The following STARD10 variants were observed in gnomAD, a reference collection of about 807,000 sequenced individuals.
STARD10 encodes START domain-containing protein 10.
A neutral mutation model predicts 36.0 loss-of-function variants in STARD10; 24 were observed. The ratio of observed to expected loss-of-function variants is 0.67; its 90% CI spans 0.48 to 0.94. The LOEUF (loss-of-function observed/expected upper bound fraction) is 0.94, where lower values mean the gene tolerates loss of function less well. Ranked by LOEUF, STARD10 falls within the 40% of genes least tolerant of loss-of-function variation. The pLI is 0.00. For missense variants in STARD10, 335 were observed against 396.6 expected (o/e 0.84, Z 1.32); for synonymous variants, 156 against 161.9 (o/e 0.96, Z 0.28).
chr11:72,758,069 C>A, intron 4 of STARD10, 185 bp from the exon 5 acceptor site: 1 of 619,948 alleles, frequency 1.6e-6, no homozygotes, highest in Non-Finnish European at 2.9e-6. Context: ...TCATCCTAGC[C>A]CCTCTTGAAG....
chr11:72,768,966 C>T (rs1232661211), intron 2 of STARD10, among the ~76,000 whole-genome samples: 1 of 152,216 alleles, frequency 6.6e-6, no homozygotes, highest in African/African-American at 2.4e-5. Context: ...GTCCGTGGCC[C>T]TCAGTGCATC....
chr11:72,769,391 T>G (rs1858829874), intron 2 of STARD10, among the ~76,000 whole-genome samples: 1 of 152,236 alleles, frequency 6.6e-6, no homozygotes, highest in Non-Finnish European at 1.5e-5. Flanking sequence ...GGCAAATACT[T>G]TTTAAATCAT....
At position 72,758,608 on chromosome 11, in the gene STARD10, G is replaced by A; in HGVS notation, c.381C>T (p.Asn127=). 1 of 1,613,984 alleles carries A rather than the reference G, an allele frequency of 6.2e-7. No homozygotes were observed. The highest frequency in any genetic ancestry group is 8.5e-7 in the Non-Finnish European group (1 of 1,179,966). Residue 127 remains asparagine (N), a synonymous_variant, in exon 4 of 7, where the codon AAC becomes AAT. Coordinates refer to ENST00000334805, the MANE Select transcript of STARD10 (RefSeq NM_006645.3). ...AGGAGCGGAGGGTGATGACATCACG[G>A]TTCTTCAGGGGCTTGGGACACCTCC... The part of the protein sequence containing the change: ...YSWRCPKPLK[N]RDVITLRSWL...
At chr11:72,780,391 G>T in intron 2 of STARD10, 1 of 449,846 alleles carries the variant, frequency 2.2e-6, no homozygotes, top group Non-Finnish European at 4.5e-6. Context: ...GTGCAAGGCA[G>T]GGGTATTGGA....
intron 6 of STARD10, 43 bp from the exon 7 acceptor site, chr11:72,755,185 G>T (rs769582932): frequency 3.2e-6 from 5 of 1,569,162 alleles, no homozygotes; most frequent in Admixed American, 3.6e-5. Flanking sequence ...TGGCTAGGGG[G>T]CAGGTCTTCT....
chr11:72,781,182 G>A lies in STARD10; in HGVS notation c.-1C>T, dbSNP rs1284875877. On this transcript the variant is annotated 5_prime_UTR_variant, in exon 2 of 7. Coordinates refer to ENST00000334805, the MANE Select transcript of STARD10 (RefSeq NM_006645.3). This position sits in a 1 kb window ranked among gnomAD's most constrained non-coding sequence, Gnocchi z 4.7. ...CTGTAGAGGCCGCCAGCTTCTCCAT[G>A]GGGAGTGTGGGGAGGCCCAGGGCCC... 6.2e-7 allele frequency: 1 copy of A among 1,607,492 alleles called. No individual in the cohort carries two copies. Among genetic ancestry groups the A allele is most frequent in the Non-Finnish European group, 8.5e-7 (1 of 1,179,442 alleles).
Position 72,759,238 on chromosome 11 carries a change from G to GT in STARD10, c.350dup (p.Tyr117Ter). ...CAGCGTGCTACGCCTGCTCACAGGA[G>GT]TAATAGCCCACGTCAGCGTTGACTG... ...RLTVNADVGYYSWRCPKPLKN... is the reference protein window; with the variant it reads ...RLTVNADVGY Residue 117 changes from tyrosine to a stop codon, truncating the protein, a stop_gained and frameshift_variant, in exon 3 of 7, where the codon TAC (tyrosine) becomes TAAC (stop). Transcript: ENST00000334805. LOFTEE classifies it high-confidence loss of function. 1 of 1,614,102 alleles carries GT rather than the reference G, an allele frequency of 6.2e-7. No homozygotes were observed. The highest frequency in any genetic ancestry group is 8.5e-7 in the Non-Finnish European group (1 of 1,180,002).
intron 2 of STARD10, 157 bp downstream of exon 2, chr11:72,780,818 G>T: frequency 2.6e-6 from 2 of 760,698 alleles, no homozygotes; most frequent in Non-Finnish European, 4.4e-6. Flanking sequence ...GATGGGGCTT[G>T]GCCCAGCAGA....
chr11:72,759,231 C>T lies in STARD10; in HGVS notation c.355+3G>A, dbSNP rs914649791. 1 of 1,613,986 alleles carries T rather than the reference C, an allele frequency of 6.2e-7. No homozygotes were observed. The highest frequency in any genetic ancestry group is 1.7e-5 in the Admixed American group (1 of 59,984). ...CTGGGATCAGCGTGCTACGCCTGCT[C>T]ACAGGAGTAATAGCCCACGTCAGCG... is the stretch of plus-strand genomic sequence containing the variant. On this transcript the variant is annotated splice_donor_region_variant and intron_variant, in intron 3 of 6. Transcript: ENST00000334805.
intron 2 of STARD10, among the ~76,000 whole-genome samples, chr11:72,768,215 A>G (rs1565241098): frequency 6.6e-6 from 1 of 152,084 alleles, no homozygotes; most frequent in Non-Finnish European, 1.5e-5. Context: ...CCTGGCCCAC[A>G]GTACACAGCA....
chr11:72,758,838 C>G (rs564660027), intron 3 of STARD10, among the ~76,000 whole-genome samples: 1 of 152,364 alleles, frequency 6.6e-6, no homozygotes, highest in East Asian at 1.9e-4. Flanking sequence ...CCAGCCAGCC[C>G]TGCTCCTTAC....
At chr11:72,770,415 G>T (rs1186220201) in intron 2 of STARD10, among the ~76,000 whole-genome samples, 1 of 152,028 alleles carries the variant, frequency 6.6e-6, no homozygotes, top group Non-Finnish European at 1.5e-5. Context: ...ATGGGGTTTC[G>T]CCATGTTGGC....
chr11:72,759,206 C>T lies in STARD10; in HGVS notation c.355+28G>A, dbSNP rs1858685242. On this transcript the variant is annotated intron_variant, in intron 3 of 6. Transcript: ENST00000334805. ...GAGGCCTGGATGGAGGCCAAGGGGA[C>T]TGGGATCAGCGTGCTACGCCTGCTC... is the stretch of plus-strand genomic sequence containing the variant. 1.9e-6 allele frequency: 3 copies of T among 1,612,144 alleles called. No individual in the cohort carries two copies. In the African/African-American group the frequency reaches 4.0e-5, roughly 22 times the overall value.
intron 2 of STARD10, among the ~76,000 whole-genome samples, chr11:72,777,166 T>C (rs116516327): frequency 0.016 from 2,436 of 152,380 alleles, 67 homozygotes; most frequent in African/African-American, 0.055. Flanking sequence ...CACCAGGGTC[T>C]GAAGACCTCT....
At chr11:72,765,157 T>C (rs1388633862) in intron 2 of STARD10, among the ~76,000 whole-genome samples, 2 of 152,010 alleles carry the variant, frequency 1.3e-5, no homozygotes, top group African/African-American at 4.8e-5. Flanking sequence ...TCCCAGCTAC[T>C]CAGGAGGCTG....
rs1009247973 is a variant in STARD10, at chr11:72,793,348, T to TCCCAACA, written c.-594_-588dup. ...TTCACCCCTGGATCTCATTTGATCC[T>TCCCAACA]CCCAACAGCCTGTTTGCATTTACAA... On this transcript the variant is annotated 5_prime_UTR_variant, in exon 1 of 7. An upstream open reading frame in the 5' UTR gains an earlier in-frame stop. Transcript: ENST00000334805. 3.3e-5 allele frequency: 5 copies of TCCCAACA among 152,248 alleles called. No individual in the cohort carries two copies. Among genetic ancestry groups the TCCCAACA allele is most frequent in the African/African-American group, 1.2e-4 (5 of 41,448 alleles). The allele number at this position is 152,248 out of a possible 1,614,324, so 9.4% of individuals were successfully genotyped here.
chr11:72,757,910 G>A (rs1265869686), intron 4 of STARD10, 26 bp from the exon 5 acceptor site: 3 of 1,602,544 alleles, frequency 1.9e-6, no homozygotes, highest in African/African-American at 1.3e-5. Flanking sequence ...ACAGGGAGGT[G>A]AGACTCGGGG....
chr11:72,758,194 C>A (rs1375569516), intron 4 of STARD10, among the ~76,000 whole-genome samples: 1 of 152,222 alleles, frequency 6.6e-6, no homozygotes, highest in Admixed American at 6.5e-5. Flanking sequence ...ACCTGCCTGT[C>A]CTTGCCCAGG....
intron 4 of STARD10, 24 bp downstream of exon 4, chr11:72,758,506 C>T (rs747375503): frequency 6.3e-6 from 10 of 1,581,906 alleles, no homozygotes; most frequent in African/African-American, 1.3e-5. Context: ...CCTGCTCCAC[C>T]GCAGGGAAGG....
Sources: gnomAD v4.1 joint callset for allele counts (sites outside exome capture counted in the v4.1 genomes callset) on GRCh38, gnomAD v4.1.1 for gene constraint, Gnocchi (gnomAD v3.1) non-coding constraint, MANE v1.5 for transcripts, NCBI Gene and HGNC (gene_info 2026-07-23, HGNC 2026-07-21) for gene names.